The following TSPAN7 variants were observed in gnomAD, a reference collection of about 807,000 sequenced individuals.
TSPAN7 encodes tetraspanin 7, also known as tetraspanin-7.
In TSPAN7, 1 loss-of-function variant was observed where a neutral mutation model predicts 17.6. The observed-to-expected ratio is 0.06, with a 90% CI of 0.02 to 0.27. TSPAN7 has a LOEUF of 0.27. TSPAN7 is among the 10% of genes least tolerant of loss of function. TSPAN7 has a pLI of 1.00. For missense variants in TSPAN7, 112 were observed against 201.7 expected (o/e 0.56, Z 2.69); for synonymous variants, 78 against 79.0 (o/e 0.99, Z 0.07).
chrX:38,686,471 AC>A (rs937402139), intron 6 of TSPAN7, among the ~76,000 whole-genome samples: 92 of 110,626 alleles, frequency 8.3e-4, no homozygotes, highest in African/African-American at 2.9e-3. Flanking sequence ...ACTGGGCCCC[AC>A]CCCCCAGCAT....
chrX:38,656,717 A>G, intron 1 of TSPAN7, among the ~76,000 whole-genome samples: 1 of 112,044 alleles, frequency 8.9e-6, no homozygotes, highest in Non-Finnish European at 1.9e-5. Flanking sequence ...CTGGGTCATC[A>G]TGAAACCAGA....
chrX:38,622,550 C>A (rs191787964), intron 1 of TSPAN7, among the ~76,000 whole-genome samples: 2 of 111,195 alleles, frequency 1.8e-5, no homozygotes, highest in South Asian at 3.8e-4. Context: ...CAGGGTGAGA[C>A]CCTGTATTTA....
chrX:38,597,443 A>G (rs1191679994), intron 1 of TSPAN7, among the ~76,000 whole-genome samples: 2 of 111,487 alleles, frequency 1.8e-5, no homozygotes, highest in Admixed American at 9.6e-5. Context: ...TAAGCACAAG[A>G]AGCCTGCGAT....
At chrX:38,641,783 G>A in intron 1 of TSPAN7, among the ~76,000 whole-genome samples, 1 of 111,490 alleles carries the variant, frequency 9.0e-6, no homozygotes, top group Non-Finnish European at 1.9e-5. Context: ...CAAGATCACA[G>A]CAAAGGTAGG....
intron 6 of TSPAN7, among the ~76,000 whole-genome samples, chrX:38,685,720 A>C (rs2069923267): frequency 8.9e-6 from 1 of 112,441 alleles, no homozygotes; most frequent in Non-Finnish European, 1.9e-5. Context: ...TATAGCAACT[A>C]TTTACACAGC....
At chrX:38,645,104 C>A (rs981859628) in intron 1 of TSPAN7, among the ~76,000 whole-genome samples, 8 of 112,117 alleles carry the variant, frequency 7.1e-5, no homozygotes, top group Admixed American at 1.9e-4. Context: ...AGTGAAGTCA[C>A]CCCACCCATC....
At chrX:38,574,600 T>A (rs2069184472) in intron 1 of TSPAN7, among the ~76,000 whole-genome samples, 1 of 111,325 alleles carries the variant, frequency 9.0e-6, no homozygotes, top group Non-Finnish European at 1.9e-5. Flanking sequence ...CAGATGTTCT[T>A]GGGTGGGGAG....
At chrX:38,609,774 A>G (rs2069408280) in intron 1 of TSPAN7, among the ~76,000 whole-genome samples, 1 of 110,266 alleles carries the variant, frequency 9.1e-6, no homozygotes, top group Non-Finnish European at 1.9e-5. Flanking sequence ...TGAAAATAAA[A>G]AACTTGGAAT....
At chrX:38,674,686 G>A (rs1344715574) in intron 4 of TSPAN7, among the ~76,000 whole-genome samples, 2 of 111,670 alleles carry the variant, frequency 1.8e-5, no homozygotes, top group Non-Finnish European at 1.9e-5. Flanking sequence ...GCTGGGTGGA[G>A]AGCTCAGGCG....
intron 5 of TSPAN7, among the ~76,000 whole-genome samples, chrX:38,679,231 G>C (rs931301929): frequency 1.8e-5 from 2 of 112,060 alleles, no homozygotes; most frequent in African/African-American, 6.5e-5. Context: ...ATGCCAAACT[G>C]TTTTGCAGAA....
intron 1 of TSPAN7, among the ~76,000 whole-genome samples, chrX:38,618,547 G>C (rs1365481368): frequency 9.0e-6 from 1 of 111,554 alleles, no homozygotes; most frequent in Non-Finnish European, 1.9e-5. Flanking sequence ...GTGTCTGAGA[G>C]AGAGTGGGAG....
chrX:38,638,921 T>C (rs1005447073), intron 1 of TSPAN7, among the ~76,000 whole-genome samples: 11 of 111,765 alleles, frequency 9.8e-5, no homozygotes, highest in African/African-American at 3.6e-4. Context: ...GCAGGGACTT[T>C]GCTGGGGAAA....
intron 1 of TSPAN7, among the ~76,000 whole-genome samples, chrX:38,609,728 C>T (rs1433739260): frequency 9.2e-6 from 1 of 109,225 alleles, no homozygotes; most frequent in African/African-American, 3.3e-5. Context: ...AAAAAATACT[C>T]CTTTATCTTC....
intron 3 of TSPAN7, among the ~76,000 whole-genome samples, chrX:38,672,848 A>G (rs1456810476): frequency 1.8e-5 from 2 of 111,984 alleles, no homozygotes; most frequent in Non-Finnish European, 1.9e-5. Flanking sequence ...CATGATGACA[A>G]TAGGTCTCAT....
In TSPAN7 at chrX:38,587,195, CAGT is replaced by C. The variant is rs757107415; in HGVS notation, c.81+25571_81+25573del. Among the ~76,000 whole-genome samples, 6 of 112,230 alleles carry C rather than the reference CAGT, an allele frequency of 5.3e-5. No homozygotes were observed. The South Asian group carries it at 1.9e-3, about 35-fold the overall frequency. ...CAAAGAATTATGTGGCCCAAAATGT[CAGT>C]AGGGCTGAGACTGAGAAACCCTGTT... On this transcript the variant is annotated intron_variant, in intron 1 of 7. Transcript: ENST00000378482.
At chrX:38,596,992 A>G (rs1192178171) in intron 1 of TSPAN7, among the ~76,000 whole-genome samples, 1 of 111,448 alleles carries the variant, frequency 9.0e-6, no homozygotes, top group Non-Finnish European at 1.9e-5. Flanking sequence ...CTGGAAAAGA[A>G]CATAACTAAA....
chrX:38,582,203 G>A (rs750745112), intron 1 of TSPAN7, among the ~76,000 whole-genome samples: 47 of 112,403 alleles, frequency 4.2e-4, no homozygotes, highest in Non-Finnish European at 6.9e-4. Context: ...AGAAAGTCTC[G>A]TTTTAAAAAA....
intron 1 of TSPAN7, among the ~76,000 whole-genome samples, chrX:38,602,309 T>G (rs764256089): frequency 1.8e-5 from 2 of 111,560 alleles, no homozygotes; most frequent in Non-Finnish European, 3.8e-5. Flanking sequence ...ATCACTTTTT[T>G]TATTCCTGGA....
At chrX:38,581,421 TAGG>T (rs1464173868) in intron 1 of TSPAN7, among the ~76,000 whole-genome samples, 1 of 111,777 alleles carries the variant, frequency 8.9e-6, no homozygotes, top group Admixed American at 9.4e-5. Context: ...AGAGCATGTG[TAGG>T]AGAACTCCCT....
Sources: allele counts gnomAD v4.1 joint callset (sites outside exome capture counted in the v4.1 genomes callset), GRCh38; gene constraint gnomAD v4.1.1; transcripts MANE v1.5; gene names NCBI Gene and HGNC (gene_info 2026-07-23, HGNC 2026-07-21).